The following NUMA1 variants were observed in gnomAD, a reference collection of about 807,000 sequenced individuals.
NUMA1 encodes nuclear mitotic apparatus protein 1, also known as SP-H antigen.
Under a neutral mutation model 237.1 loss-of-function variants are expected in NUMA1, and 62 were observed. The observed-to-expected ratio is 0.26, with a 90% confidence interval of 0.21 to 0.32. The LOEUF (loss-of-function observed/expected upper bound fraction) is 0.32, where lower values mean the gene tolerates loss of function less well. Among genes scored for constraint, NUMA1 ranks in the 10% least tolerant of loss-of-function variants. The probability of loss-of-function intolerance (pLI) is 1.00; values close to 1 mark genes in which losing one functional copy is unlikely to be tolerated. For synonymous variants in NUMA1, 1,028 were observed against 1,066.1 expected (o/e 0.96, Z 0.70); for missense variants, 2,533 against 2,666.5 (o/e 0.95, Z 1.10).
chr11:72,009,406 C>G lies in NUMA1; in HGVS notation c.4720-19G>C. ...GGACAGCCTGAGAAGAAAGGCCACT[C>G]AGGAAAGCTGGTCTGGCCGCTCTAC... On this transcript the variant is annotated intron_variant, in intron 17 of 26. Transcript: ENST00000393695. 3 of 1,588,948 alleles carry G rather than the reference C, an allele frequency of 1.9e-6. No homozygotes were observed. The highest frequency in any genetic ancestry group is 1.7e-6 in the Non-Finnish European group (2 of 1,172,392).
At chr11:72,065,525 A>G (rs1943159999) in intron 2 of NUMA1, 1 of 152,242 alleles carries the variant, frequency 6.6e-6, no homozygotes, top group South Asian at 2.1e-4. Flanking sequence ...GAAATATACA[A>G]GCACAAAATA....
At chr11:72,039,282 A>C (rs1941398911) in intron 2 of NUMA1, among the ~76,000 whole-genome samples, 1 of 152,218 alleles carries the variant, frequency 6.6e-6, no homozygotes, top group Admixed American at 6.5e-5. Context: ...TCTGTTCTGA[A>C]AAAGCTTCAG....
chr11:72,018,311 G>A lies in NUMA1; in HGVS notation c.861-11C>T, dbSNP rs573284507. ...AGCCGCATGGTAAGGCTGCGAGGGA[G>A]GGAAGCAGTGAGAAGAGAGTATGGG... is the stretch of plus-strand genomic sequence containing the variant. On this transcript the variant is annotated splice_polypyrimidine_tract_variant and intron_variant, in intron 11 of 26. Transcript: ENST00000393695. The A allele has an allele frequency of 3.7e-6, 6 of 1,612,124 alleles. No homozygotes were observed. Among genetic ancestry groups the A allele is most frequent in the Admixed American group, 3.3e-5 (2 of 60,028 alleles).
chr11:72,070,486 AT>A (rs35069932), intron 1 of NUMA1, among the ~76,000 whole-genome samples: 1,654 of 152,240 alleles, frequency 0.011, 24 homozygotes, highest in Middle Eastern at 0.034. Context: ...AAATTCAAAC[AT>A]CTTCAGGGGT....
intron 2 of NUMA1, among the ~76,000 whole-genome samples, chr11:72,048,341 A>G (rs1299260109): frequency 2.6e-5 from 4 of 151,022 alleles, no homozygotes; most frequent in African/African-American, 4.9e-5. Context: ...TCAGCAAATC[A>G]AAGAAGCCGT....
At chr11:72,017,989 A>C in intron 12 of NUMA1, 162 bp from the exon 13 acceptor site, 1 of 1,018,738 alleles carries the variant, frequency 9.8e-7, no homozygotes, top group Non-Finnish European at 1.4e-6. Context: ...CTACAAATCA[A>C]CATTTAGGGT....
Position 72,003,133 on chromosome 11 carries a change from C to A in NUMA1, c.*394G>T. ...GAGTGAGGGCCCCTGCTGGGCCCAG[C>A]CACCAGGACAGCAGGAACCAGGGCC... On this transcript the variant is annotated 3_prime_UTR_variant, in exon 27 of 27. Coordinates refer to ENST00000393695, the MANE Select transcript of NUMA1 (RefSeq NM_006185.4). The A allele has an allele frequency of 3.6e-6, 1 of 274,712 alleles. No individual in the cohort carries two copies. Among genetic ancestry groups the A allele is most frequent in the Non-Finnish European group, 7.0e-6 (1 of 143,266 alleles). 17.0% of individuals were successfully genotyped at this position (274,712 alleles called of 1,614,324 possible). A position where few individuals can be genotyped will look rare whatever the true frequency, so the allele number is the denominator to read the frequency against.
At chr11:72,025,615 G>A (rs1029804452) in intron 4 of NUMA1, among the ~76,000 whole-genome samples, 4 of 152,056 alleles carry the variant, frequency 2.6e-5, no homozygotes, top group Non-Finnish European at 4.4e-5. Flanking sequence ...TGGGCCCCTT[G>A]CTTCTCAGAA....
At chr11:72,051,939 G>A (rs552026899) in intron 2 of NUMA1, among the ~76,000 whole-genome samples, 5 of 152,298 alleles carry the variant, frequency 3.3e-5, no homozygotes, top group African/African-American at 1.2e-4. Flanking sequence ...CTGAAGAGAA[G>A]TGGGAGGCAC....
intron 3 of NUMA1, among the ~76,000 whole-genome samples, chr11:72,035,209 C>T (rs1252491963): frequency 6.6e-6 from 1 of 151,944 alleles, no homozygotes; most frequent in Non-Finnish European, 1.5e-5. Context: ...TTGCCACTGT[C>T]TCTGGTAGAA....
intron 21 of NUMA1, among the ~76,000 whole-genome samples, chr11:72,006,880 C>T (rs1420762399): frequency 1.3e-5 from 2 of 152,262 alleles, no homozygotes; most frequent in Non-Finnish European, 2.9e-5. Context: ...CTGCATGGGG[C>T]ATGCTGGGAG....
chr11:72,012,985 C>G lies in NUMA1; in HGVS notation c.4518G>C (p.Glu1506Asp). The change falls in exon 15 of 27, where the codon GAG becomes GAC. Residue 1506 changes from glutamate (E) to aspartate (D), a missense_variant. Around this residue, in one of 3 missense-constraint regions of NUMA1, gnomAD observed 324 missense variants for 407.6 expected, o/e 0.79. Coordinates refer to ENST00000393695, the MANE Select transcript of NUMA1 (RefSeq NM_006185.4). ...CACCCTCATACTTGGCAGTCATCAC[C>G]TCCAGCTCCCGGGCAGTGCTCTGTG... ...REAQSTAREL[E>D]VMTAKYEGAK... is the part of the protein sequence containing the mutation. 6.2e-7 allele frequency: 1 copy of G among 1,614,184 alleles called. No homozygotes were observed. The highest frequency in any genetic ancestry group is 1.6e-4 in the Middle Eastern group (1 of 6,062).
Position 72,016,193 on chromosome 11 carries a change from T to C in NUMA1, c.1310A>G (p.Glu437Gly), listed in dbSNP as rs750485746. The change falls in exon 15 of 27, where the codon GAG becomes GGG. Residue 437 changes from glutamate (E) to glycine (G), a missense_variant. Transcript: ENST00000393695. ...ANNTQLQARV[E>G]MLETERGQQE... ...CTGGCCTCGCTCAGTCTCCAGCATC[T>C]CTACCCTGGCTTGGAGCTGTGTGTT... 9 of 1,612,510 alleles carry C rather than the reference T, an allele frequency of 5.6e-6. No individual in the cohort carries two copies. Among genetic ancestry groups the C allele is most frequent in the Non-Finnish European group, 7.6e-6 (9 of 1,178,918 alleles).
chr11:72,038,784 G>A (rs556789459), intron 2 of NUMA1, among the ~76,000 whole-genome samples: 20 of 149,280 alleles, frequency 1.3e-4, no homozygotes, highest in African/African-American at 3.5e-4. Flanking sequence ...GGCACCCCCC[G>A]TCCCCCCCAC....
At chr11:72,012,333 C>A in intron 16 of NUMA1, 68 bp downstream of exon 16, 1 of 1,485,284 alleles carries the variant, frequency 6.7e-7, no homozygotes, top group Non-Finnish European at 9.4e-7. Context: ...CAAGCTGCAG[C>A]CGGGCTCATG....
chr11:72,005,273 C>T lies in NUMA1; in HGVS notation c.5789G>A (p.Cys1930Tyr). 6.2e-7 allele frequency: 1 copy of T among 1,605,846 alleles called. No homozygotes were observed. Among genetic ancestry groups the T allele is most frequent in the Non-Finnish European group, 8.5e-7 (1 of 1,176,442 alleles). Residue 1930 changes from cysteine (C) to tyrosine (Y), a missense_variant, in exon 23 of 27, where the codon TGC becomes TAC. By Grantham distance (194) the Cys-to-Tyr change is radical. Around this residue, in one of 3 missense-constraint regions of NUMA1, gnomAD observed 795 missense variants for 750.8 expected, o/e 1.06. Coordinates refer to ENST00000393695, the MANE Select transcript of NUMA1 (RefSeq NM_006185.4). ...ATAGCAGGTCTTCAGATGTGGGGGG[C>T]ACACTCGATTGCGCTGCTGCAGCTC... The part of the protein sequence containing the change: ...IAELQQRNRV[C>Y]PPHLKTCYPL...
chr11:72,035,946 T>A lies in NUMA1; in HGVS notation c.-3A>T. 1 of 1,614,070 alleles carries A rather than the reference T, an allele frequency of 6.2e-7. No homozygotes were observed. Among genetic ancestry groups the A allele is most frequent in the Non-Finnish European group, 8.5e-7 (1 of 1,179,970 alleles). ...CCCCGGGTGGCGTGGAGTGTCATCT[T>A]GGTGATGCCAGACAGTCACTCCAAT... On this transcript the variant is annotated 5_prime_UTR_variant, in exon 3 of 27. Coordinates refer to ENST00000393695, the MANE Select transcript of NUMA1 (RefSeq NM_006185.4).
Position 72,019,603 on chromosome 11 carries a change from T to G in NUMA1, c.475A>C (p.Thr159Pro). 1 of 1,613,602 alleles carries G rather than the reference T, an allele frequency of 6.2e-7. No homozygotes were observed. The highest frequency in any genetic ancestry group is 8.5e-7 in the Non-Finnish European group (1 of 1,179,700). ...NFLQKAPVPS[T>P]CSSTFPEELS... ...TCTTCAGGGAATGTGCTAGAACAGG[T>G]AGAAGGCACAGGAGCTGGGGGTAAG... is the stretch of plus-strand genomic sequence containing the variant. The change falls in exon 9 of 27, where the codon ACC (threonine) becomes CCC (proline). Residue 159 changes from threonine (T) to proline (P), a missense_variant. By Grantham distance (38) the Thr-to-Pro change is conservative (BLOSUM62 -1). Coordinates refer to ENST00000393695, the MANE Select transcript of NUMA1 (RefSeq NM_006185.4).
intron 8 of NUMA1, 29 bp downstream of exon 8, chr11:72,021,175 G>A (rs1356290478): frequency 6.5e-7 from 1 of 1,544,262 alleles, no homozygotes; most frequent in Non-Finnish European, 9.0e-7. Context: ...CAGAGATGAG[G>A]GGATTCTCAG....
Sources: allele counts gnomAD v4.1 joint callset (sites outside exome capture counted in the v4.1 genomes callset), GRCh38; gene constraint gnomAD v4.1.1; regional missense constraint gnomAD v4.1.1; transcripts MANE v1.5; gene names NCBI Gene and HGNC (gene_info 2026-07-23, HGNC 2026-07-21).